IQCM: variants seen among roughly 807,000 people sequenced by gnomAD.
IQCM encodes IQ domain-containing protein M.
IQCM carries 45 observed loss-of-function variants against 57.6 expected under a neutral mutation model. The ratio of observed to expected loss-of-function variants is 0.78; its 90% CI spans 0.62 to 1.00. The LOEUF is 1.00. Among genes scored for constraint, IQCM ranks in the 50% least tolerant of loss-of-function variants. IQCM has a pLI of 0.00. For missense variants in IQCM, 468 were observed against 511.6 expected (o/e 0.91, Z 0.82); for synonymous variants, 148 against 158.9 (o/e 0.93, Z 0.51).
At chr4:149,613,814 G>A (rs1173183206) in intron 8 of IQCM, among the ~76,000 whole-genome samples, 1 of 152,010 alleles carries the variant, frequency 6.6e-6, no homozygotes. Context: ...GTGAGAACAT[G>A]CGGTGTTTGG....
At chr4:149,584,012 T>C (rs1263883743) in intron 9 of IQCM, among the ~76,000 whole-genome samples, 1 of 151,568 alleles carries the variant, frequency 6.6e-6, no homozygotes, top group Non-Finnish European at 1.5e-5. Flanking sequence ...ATGTATACAC[T>C]ATCATTCATG....
chr4:149,674,897 C>T (rs1761618011), intron 7 of IQCM, among the ~76,000 whole-genome samples: 1 of 151,958 alleles, frequency 6.6e-6, no homozygotes, highest in Non-Finnish European at 1.5e-5. Context: ...ATATCTGGGC[C>T]TACTGTAACC....
chr4:149,648,937 A>G (rs1010268023), intron 7 of IQCM, among the ~76,000 whole-genome samples: 1 of 152,148 alleles, frequency 6.6e-6, no homozygotes, highest in Non-Finnish European at 1.5e-5. Flanking sequence ...TAAAAAAAGA[A>G]AAAATAATTT....
At chr4:149,738,203 C>A (rs1767121843) in intron 3 of IQCM, among the ~76,000 whole-genome samples, 1 of 152,136 alleles carries the variant, frequency 6.6e-6, no homozygotes, top group African/African-American at 2.4e-5. Context: ...CTCTTTTCTA[C>A]AAATGTACTG....
chr4:149,353,252 T>C (rs1359025513), intron 13 of IQCM, among the ~76,000 whole-genome samples: 1 of 152,182 alleles, frequency 6.6e-6, no homozygotes, highest in African/African-American at 2.4e-5. Context: ...TCGGACCCCT[T>C]AGGATGGCTA....
chr4:149,584,954 C>T (rs549209424), intron 9 of IQCM, among the ~76,000 whole-genome samples: 11 of 151,850 alleles, frequency 7.2e-5, no homozygotes, highest in African/African-American at 1.9e-4. Flanking sequence ...AACTTCCCCA[C>T]TCCCACCTTT....
rs191418790 is a variant in IQCM at position 149,504,260 on chromosome 4, T to C, written c.1228+44195A>G. On this transcript the variant is annotated intron_variant, in intron 12 of 13. Coordinates refer to ENST00000636793, the MANE Select transcript of IQCM (RefSeq NM_001363507.2). Reference sequence around the variant, plus strand: ...TAAATTTAAAAAAACTTAAAAATGATTTACTCTTAAATAGTTAAACAATTC... The same window carrying C: ...TAAATTTAAAAAAACTTAAAAATGACTTACTCTTAAATAGTTAAACAATTC... Among the ~76,000 whole-genome samples the C allele has an allele frequency of 4.3e-3, 653 of 152,300 alleles. 9 individuals are homozygous for C. Among genetic ancestry groups the C allele is most frequent in the South Asian group, 0.011 (55 of 4,826 alleles).
At chr4:149,540,624 A>G (rs927034373) in intron 12 of IQCM, among the ~76,000 whole-genome samples, 2 of 152,116 alleles carry the variant, frequency 1.3e-5, no homozygotes, top group Admixed American at 1.3e-4. Flanking sequence ...AGTAAGTCTT[A>G]AACAGTGAGC....
intron 10 of IQCM, among the ~76,000 whole-genome samples, chr4:149,554,639 T>TTTTG (rs949509894): frequency 6.6e-6 from 1 of 151,434 alleles, no homozygotes; most frequent in Non-Finnish European, 1.5e-5. Flanking sequence ...CTACAAGATT[T>TTTTG]TTTGTTTGTT....
At chr4:149,715,727 T>C (rs1173118070) in intron 5 of IQCM, among the ~76,000 whole-genome samples, 2 of 152,182 alleles carry the variant, frequency 1.3e-5, no homozygotes, top group African/African-American at 4.8e-5. Flanking sequence ...TGAGCAACAG[T>C]ACAGCTCTCA....
At chr4:149,728,508 TA>T (rs1471893852) in intron 5 of IQCM, among the ~76,000 whole-genome samples, 1 of 152,228 alleles carries the variant, frequency 6.6e-6, no homozygotes, top group Non-Finnish European at 1.5e-5. Flanking sequence ...CAACACATAT[TA>T]AAAGTACTAT....
intron 12 of IQCM, among the ~76,000 whole-genome samples, chr4:149,481,723 G>GTTTTTTTTTGTTTTTTT (rs1740903527): frequency 3.2e-4 from 3 of 9,346 alleles, no homozygotes; most frequent in African/African-American, 9.5e-4. Context: ...TTTTTTTTTT[G>GTTTTTTTTTGTTTTTTT]CTTTTTGCTT....
chr4:149,683,364 C>T (rs79988804), intron 6 of IQCM, among the ~76,000 whole-genome samples: 1,577 of 151,300 alleles, frequency 0.01, 29 homozygotes, highest in African/African-American at 0.036. Flanking sequence ...AATTTTAAAA[C>T]ATTTGCCTAG....
intron 13 of IQCM, among the ~76,000 whole-genome samples, chr4:149,393,388 T>G (rs944860334): frequency 6.6e-6 from 1 of 151,330 alleles, no homozygotes; most frequent in Non-Finnish European, 1.5e-5. Flanking sequence ...ATGGAAGATA[T>G]GAGAGAGAAA....
Position 149,433,399 on chromosome 4 carries a change from T to C in IQCM, c.1387A>G (p.Ile463Val). Residue 463 changes from isoleucine (I) to valine (V), a missense_variant, in exon 13 of 14, where the codon ATA becomes GTA. By Grantham distance (29) the Ile-to-Val change is conservative (BLOSUM62 3). Coordinates refer to ENST00000636793, the MANE Select transcript of IQCM (RefSeq NM_001363507.2). ...AAAATAAGGTTCAATATCTTACCTA[T>C]ATATCTATAACCTTCTTCCCCATTT... is the stretch of plus-strand genomic sequence containing the variant. ...IVNGEEGYRY[I>V]VNGHPALKRA... 2 of 1,212,226 alleles carry C rather than the reference T, an allele frequency of 1.6e-6. No homozygotes were observed. Among genetic ancestry groups the C allele is most frequent in the Non-Finnish European group, 2.1e-6 (2 of 970,300 alleles). 75.1% of individuals were successfully genotyped at this position (1,212,226 alleles called of 1,614,324 possible).
chr4:149,492,798 A>C lies in IQCM; in HGVS notation c.1228+55657T>G, dbSNP rs117194580. On this transcript the variant is annotated intron_variant, in intron 12 of 13. Coordinates refer to ENST00000636793, the MANE Select transcript of IQCM (RefSeq NM_001363507.2). ...TTAAAACAAGCTTACCCTTACAAGA[A>C]TAGCTTAAATTCCCTTTATGATAGA... is the stretch of plus-strand genomic sequence containing the variant. 5.1e-4 allele frequency among the ~76,000 whole-genome samples: 78 copies of C among 152,242 alleles called. No individual in the cohort carries two copies. The East Asian group carries it at 0.011, about 21-fold the overall frequency.
At chr4:149,558,820 C>T (rs1749840313) in intron 10 of IQCM, among the ~76,000 whole-genome samples, 1 of 152,040 alleles carries the variant, frequency 6.6e-6, no homozygotes, top group African/African-American at 2.4e-5. Context: ...TGATAAATCC[C>T]AAGTCTTTCT....
At chr4:149,418,169 G>T (rs952461240) in intron 13 of IQCM, among the ~76,000 whole-genome samples, 3 of 149,010 alleles carry the variant, frequency 2.0e-5, no homozygotes, top group Non-Finnish European at 3.0e-5. Context: ...CCAGGTTATG[G>T]TTTTTTTTTT....
chr4:149,672,973 A>G (rs963063228), intron 7 of IQCM, among the ~76,000 whole-genome samples: 1 of 152,200 alleles, frequency 6.6e-6, no homozygotes, highest in African/African-American at 2.4e-5. Flanking sequence ...CCAATATTCA[A>G]CATTATTAAA....
Sources: allele counts gnomAD v4.1 joint callset (sites outside exome capture counted in the v4.1 genomes callset), GRCh38; gene constraint gnomAD v4.1.1; transcripts MANE v1.5; gene names NCBI Gene and HGNC (gene_info 2026-07-23, HGNC 2026-07-21).